The following TMEM63A variants were observed in gnomAD, a reference collection of about 807,000 sequenced individuals.
TMEM63A encodes mechanosensitive cation channel TMEM63A.
Under a neutral mutation model 100.6 loss-of-function variants are expected in TMEM63A, and 76 were observed. That is an observed-to-expected ratio of 0.76 (90% CI 0.63 to 0.91). TMEM63A has a LOEUF of 0.91. Among genes scored for constraint, TMEM63A ranks in the 40% least tolerant of loss-of-function variants. The pLI is 0.00. For missense variants in TMEM63A, 876 were observed against 1,008.8 expected, an observed-to-expected ratio of 0.87 and a Z score of 1.78; for synonymous variants, 401 against 401.1, an observed-to-expected ratio of 1.00 and a Z score of 0.00.
At chr1:225,851,552 T>C (rs1477162770) in intron 20 of TMEM63A, among the ~76,000 whole-genome samples, 1 of 152,014 alleles carries the variant, frequency 6.6e-6, no homozygotes, top group East Asian at 1.9e-4. Context: ...GTATTTTTAG[T>C]AGGGACAGGG....
At chr1:225,855,801 C>T in intron 18 of TMEM63A, 77 bp downstream of exon 18, 1 of 1,455,294 alleles carries the variant, frequency 6.9e-7, no homozygotes, top group Non-Finnish European at 9.5e-7. Flanking sequence ...CGCCCCCACC[C>T]ATCCCACTGC....
At position 225,845,713 on chromosome 1, in the gene TMEM63A, T is replaced by G; in HGVS notation, c.*1226A>C. 20 of 339,406 alleles carry G rather than the reference T, an allele frequency of 5.9e-5. No individual in the cohort carries two copies. The highest frequency in any genetic ancestry group is 1.5e-4 in the East Asian group (2 of 13,488). 21.0% of individuals were successfully genotyped at this position (339,406 alleles called of 1,614,324 possible). A position where few individuals can be genotyped will look rare whatever the true frequency, so the allele number is the denominator to read the frequency against. On this transcript the variant is annotated 3_prime_UTR_variant, in exon 25 of 25. Coordinates refer to ENST00000366835, the MANE Select transcript of TMEM63A (RefSeq NM_014698.3). ...CCAGGGCTATGCTGCACCAGACCAA[T>G]GGCACCGCCCCCACCCCTCCCAGCG...
chr1:225,869,666 C>CTTTTCCTT (rs76862516), intron 6 of TMEM63A, among the ~76,000 whole-genome samples: 1 of 109,908 alleles, frequency 9.1e-6, no homozygotes, highest in East Asian at 2.6e-4. Flanking sequence ...CTTTTCTTTT[C>CTTTTCCTT]TTTTTTTTTT....
At chr1:225,847,416 A>G in intron 23 of TMEM63A, 1 of 579,414 alleles carries the variant, frequency 1.7e-6, no homozygotes, top group South Asian at 2.4e-5. Flanking sequence ...GAGAAAGCAC[A>G]GTTATACAGT....
chr1:225,841,695 G>A (rs375196670), downstream of TMEM63A, among the ~76,000 whole-genome samples: 2 of 138,134 alleles, frequency 1.4e-5, no homozygotes, highest in African/African-American at 2.7e-5. Context: ...TCCACCTCCC[G>A]GGTTCAAGCA....
intron 20 of TMEM63A, among the ~76,000 whole-genome samples, chr1:225,850,720 C>A (rs1436237069): frequency 1.3e-5 from 2 of 152,126 alleles, no homozygotes; most frequent in African/African-American, 4.8e-5. Flanking sequence ...GTATGTCTGT[C>A]TGTCTGTTTT....
chr1:225,873,040 T>C (rs1670597242), intron 4 of TMEM63A, among the ~76,000 whole-genome samples: 1 of 152,104 alleles, frequency 6.6e-6, no homozygotes, highest in Non-Finnish European at 1.5e-5. Flanking sequence ...ACTGCCCCCC[T>C]ACTAAAGACA....
At chr1:225,859,040 T>C (rs1669799703) in intron 15 of TMEM63A, among the ~76,000 whole-genome samples, 156 bp downstream of exon 15, 1 of 150,120 alleles carries the variant, frequency 6.7e-6, no homozygotes. Flanking sequence ...TGGCCATGCC[T>C]GCTCAGGGCT....
rs3841810 is a variant in TMEM63A, at chr1:225,870,444, G to GC, written c.371+631dup. ...AGAACCAAGACTCACATCAGTCCCC[G>GC]CCCCCCCCCGCCTCCTGGCTCCCTA... On this transcript the variant is annotated intron_variant, in intron 6 of 24. Coordinates refer to ENST00000366835, the MANE Select transcript of TMEM63A (RefSeq NM_014698.3). Among the ~76,000 whole-genome samples the GC allele has an allele frequency of 4.3e-4, 64 of 150,280 alleles. 1 individual carries two copies. The highest frequency in any genetic ancestry group is 1.1e-3 in the South Asian group (5 of 4,730).
intron 17 of TMEM63A, 123 bp downstream of exon 17, chr1:225,856,529 C>G: frequency 1.1e-6 from 1 of 922,030 alleles, no homozygotes; most frequent in Non-Finnish European, 1.7e-6. Context: ...CGAGTGGTTG[C>G]GACAGGCTTA....
chr1:225,878,326 G>C (rs1423271730), intron 2 of TMEM63A, among the ~76,000 whole-genome samples: 1 of 152,180 alleles, frequency 6.6e-6, no homozygotes, highest in Non-Finnish European at 1.5e-5. Context: ...AAGTAAAGGG[G>C]GTGGTCTAGG....
chr1:225,844,098 T>C (rs1483381593), downstream of TMEM63A, among the ~76,000 whole-genome samples: 1 of 152,012 alleles, frequency 6.6e-6, no homozygotes, highest in Admixed American at 6.6e-5. Context: ...CCATAGGCTG[T>C]TGAGAGGAAA....
chr1:225,849,762 G>T, intron 21 of TMEM63A, 150 bp downstream of exon 21: 1 of 991,716 alleles, frequency 1.0e-6, no homozygotes, highest in Non-Finnish European at 1.5e-6. Flanking sequence ...ACCACGTTCT[G>T]ATGGGACACC....
chr1:225,861,958 C>T (rs1669960996), intron 13 of TMEM63A: 2 of 558,146 alleles, frequency 3.6e-6, no homozygotes, highest in African/African-American at 1.9e-5. Context: ...AGCAGTGGGG[C>T]CAGGCCACAT....
downstream of TMEM63A, among the ~76,000 whole-genome samples, chr1:225,842,954 G>T (rs976113916): frequency 6.6e-6 from 1 of 152,182 alleles, no homozygotes; most frequent in East Asian, 1.9e-4. Context: ...GCCTGACTCA[G>T]GCTTCACCAA....
At position 225,862,984 on chromosome 1, in the gene TMEM63A, C is replaced by T; in HGVS notation, c.747-133G>A. On this transcript the variant is annotated intron_variant, in intron 10 of 24. Transcript: ENST00000366835. The surrounding 1 kb of genome is among the most constrained non-coding windows in gnomAD (Gnocchi z 5.1). ...TGCTGGTTTCTGTGCCAGCGGAGAC[C>T]TCTCTTCTCTTTGTCTTTTATCCTC... 1.3e-6 allele frequency: 1 copy of T among 779,928 alleles called. No individual in the cohort carries two copies. The highest frequency in any genetic ancestry group is 2.7e-5 in the East Asian group (1 of 36,996). The allele number at this position is 779,928 out of a possible 1,614,324, so 48.3% of individuals were successfully genotyped here. A position where few individuals can be genotyped will look rare whatever the true frequency, so the allele number is the denominator to read the frequency against.
At chr1:225,842,413 G>C, downstream of TMEM63A, 2 of 1,614,166 alleles carry the variant, frequency 1.2e-6, no homozygotes, top group South Asian at 1.1e-5. Context: ...CTATATTCTA[G>C]AGAAGTTTTC....
At position 225,862,578 on chromosome 1, in the gene TMEM63A, T is replaced by C. The variant is rs772614511; in HGVS notation, c.828A>G (p.Lys276=). ...AGGTCAGGCTCTTCTCAGTCTTCTT[T>C]CTGTAGGGGTGGGAGCGGGGGCACA... The part of the protein sequence containing the change: ...VAKLIYLCKE[K]KKTEKSLTYY... Residue 276 remains lysine (K), a splice_region_variant and synonymous_variant, in exon 12 of 25, where the codon AAA becomes AAG. Transcript: ENST00000366835. This position sits in a 1 kb window ranked among gnomAD's most constrained non-coding sequence, Gnocchi z 5.1. 7.4e-6 allele frequency: 12 copies of C among 1,613,078 alleles called. No individual in the cohort carries two copies. In the East Asian group the frequency reaches 2.7e-4, roughly 36 times the overall value.
In TMEM63A at chr1:225,862,066, GTGTGGGTAGC is replaced by G; in HGVS notation, c.1085+142_1085+151del. ...CATGGGCTGGGCTGGCTGAAAGTGA[GTGTGGGTAGC>G]TGAGGGAGGAGAAGGAAACACCACA... On this transcript the variant is annotated intron_variant, in intron 13 of 24. Transcript: ENST00000366835. The surrounding 1 kb of genome is among the most constrained non-coding windows in gnomAD (Gnocchi z 5.1). 1 of 1,208,448 alleles carries G rather than the reference GTGTGGGTAGC, an allele frequency of 8.3e-7. No individual in the cohort carries two copies. The highest frequency in any genetic ancestry group is 2.5e-5 in the Admixed American group (1 of 40,302). 74.9% of individuals were successfully genotyped at this position (1,208,448 alleles called of 1,614,324 possible).
Sources: gnomAD v4.1 joint callset for allele counts (sites outside exome capture counted in the v4.1 genomes callset) on GRCh38, gnomAD v4.1.1 for gene constraint, Gnocchi (gnomAD v3.1) non-coding constraint, MANE v1.5 for transcripts, NCBI Gene and HGNC (gene_info 2026-07-23, HGNC 2026-07-21) for gene names.